Variants in CLASP1 observed in about 807,000 individuals in gnomAD.
The protein encoded by CLASP1 is CLIP-associating protein 1.
Under a neutral mutation model 192.3 loss-of-function variants are expected in CLASP1, and 38 were observed. The ratio of observed to expected loss-of-function variants is 0.20; its 90% CI spans 0.15 to 0.26. CLASP1 has a LOEUF of 0.26. CLASP1 is among the 10% of genes least tolerant of loss of function. The pLI, the probability that CLASP1 is intolerant of heterozygous loss-of-function variation, is 1.00. For missense variants in CLASP1, 1,433 were observed against 1,932.5 expected (o/e 0.74, Z 4.85); for synonymous variants, 691 against 712.8 (o/e 0.97, Z 0.49).
At chr2:121,421,187 A>G (rs1449581022) in intron 22 of CLASP1, among the ~76,000 whole-genome samples, 1 of 152,224 alleles carries the variant, frequency 6.6e-6, no homozygotes, top group Non-Finnish European at 1.5e-5. Flanking sequence ...CAAGAGAAAT[A>G]CAAACTCACT....
At chr2:121,447,388 T>G (rs1469112021) in exon 19 of CLASP1, 2 of 1,584,088 alleles carry the variant, frequency 1.3e-6, no homozygotes, top group East Asian at 2.3e-5. Context: ...CTGAAAGGCG[T>G]CGTGCCCGAA....
intron 8 of CLASP1, among the ~76,000 whole-genome samples, chr2:121,475,531 C>T (rs746608633): frequency 3.9e-5 from 6 of 152,172 alleles, no homozygotes; most frequent in Admixed American, 1.3e-4. Context: ...CAGGTTCTAA[C>T]GTTACAGTAT....
At chr2:121,578,131 C>T (rs2060719985) in intron 2 of CLASP1, among the ~76,000 whole-genome samples, 1 of 152,134 alleles carries the variant, frequency 6.6e-6, no homozygotes, top group South Asian at 2.1e-4. Context: ...TAGGGTTTCA[C>T]CATGTTGCTC....
At chr2:121,445,707 A>C (rs2084199277) in intron 19 of CLASP1, among the ~76,000 whole-genome samples, 1 of 152,222 alleles carries the variant, frequency 6.6e-6, no homozygotes, top group Admixed American at 6.5e-5. Flanking sequence ...TTCTTTGAAG[A>C]GGTTAATACT....
At chr2:121,435,907 T>A (rs1270256127) in intron 19 of CLASP1, among the ~76,000 whole-genome samples, 1 of 152,226 alleles carries the variant, frequency 6.6e-6, no homozygotes, top group Non-Finnish European at 1.5e-5. Context: ...AACACTGATA[T>A]GCTCCACCCT....
chr2:121,530,877 T>A, intron 2 of CLASP1: 2 of 690,024 alleles, frequency 2.9e-6, no homozygotes, highest in South Asian at 1.5e-5. Flanking sequence ...GACTTTCTAT[T>A]ATAACCATCC....
rs921700825 is a variant in CLASP1, at chr2:121,530,137, G to A, written c.274+110C>T. ...GGAGGAGCGGAAGGGAGGGAGAGGG[G>A]GCTGGAGGGGAGGCAGGGTGGCTGC... On this transcript the variant is annotated intron_variant, in intron 3 of 39. Transcript: ENST00000263710. 6 of 864,838 alleles carry A rather than the reference G, an allele frequency of 6.9e-6. No individual in the cohort carries two copies. The African/African-American group carries it at 8.4e-5, about 12-fold the overall frequency. 53.6% of individuals were successfully genotyped at this position (864,838 alleles called of 1,614,324 possible). A position where few individuals can be genotyped will look rare whatever the true frequency, so the allele number is the denominator to read the frequency against.
intron 2 of CLASP1, chr2:121,531,138 GTTTTTGCGGTGATTAAACGGGA>G: frequency 1.6e-6 from 1 of 612,510 alleles, no homozygotes; most frequent in Non-Finnish European, 3.0e-6. Context: ...AGTTCTTTCA[GTTTTTGCGGTGATTAAACGGGA>G]AGGATTTCAA....
chr2:121,519,512 C>T (rs943653382), intron 6 of CLASP1, among the ~76,000 whole-genome samples: 1 of 152,188 alleles, frequency 6.6e-6, no homozygotes, highest in Non-Finnish European at 1.5e-5. Context: ...AAATATAAGT[C>T]TCCCAAATAT....
intron 9 of CLASP1, among the ~76,000 whole-genome samples, chr2:121,464,018 CCA>C (rs913132212): frequency 5.3e-5 from 7 of 130,994 alleles, no homozygotes; most frequent in African/African-American, 1.2e-4. Context: ...ACAACAGTCC[CCA>C]GAGTGTGATG....
At chr2:121,504,122 C>T (rs575292152) in intron 7 of CLASP1, 1 of 152,204 alleles carries the variant, frequency 6.6e-6, no homozygotes, top group African/African-American at 2.4e-5. Context: ...ATCCCAGCTG[C>T]TAGGGAGGCT....
chr2:121,357,700 T>C (rs1023821903), intron 37 of CLASP1, among the ~76,000 whole-genome samples: 3 of 152,110 alleles, frequency 2.0e-5, no homozygotes, highest in Non-Finnish European at 4.4e-5. Context: ...CACTCAGAAA[T>C]AGACACTGTG....
chr2:121,492,193 T>C (rs2093340464), intron 8 of CLASP1, among the ~76,000 whole-genome samples: 1 of 151,160 alleles, frequency 6.6e-6, no homozygotes, highest in Non-Finnish European at 1.5e-5. Context: ...ATCGAAACCA[T>C]CCTGGATAAT....
intron 2 of CLASP1, among the ~76,000 whole-genome samples, chr2:121,588,264 C>T (rs1435722917): frequency 6.7e-6 from 1 of 149,678 alleles, no homozygotes; most frequent in Non-Finnish European, 1.5e-5. Flanking sequence ...TTAAATAAGA[C>T]AGGTTATGTG....
chr2:121,393,078 A>C (rs192918354), intron 30 of CLASP1, among the ~76,000 whole-genome samples: 10 of 152,362 alleles, frequency 6.6e-5, no homozygotes, highest in Non-Finnish European at 1.5e-4. Context: ...TCAGCTTGTT[A>C]TAAGTTTAAA....
At chr2:121,611,150 TGGA>T in intron 1 of CLASP1, among the ~76,000 whole-genome samples, 1 of 82,766 alleles carries the variant, frequency 1.2e-5, no homozygotes, top group Non-Finnish European at 2.5e-5. Context: ...GAAGAGGAAC[TGGA>T]GGAGGAGGAG....
At chr2:121,519,506 A>G (rs985592114) in intron 6 of CLASP1, among the ~76,000 whole-genome samples, 12 of 152,228 alleles carry the variant, frequency 7.9e-5, no homozygotes, top group African/African-American at 2.7e-4. Context: ...AGTTAAAAAT[A>G]TAAGTCTCCC....
intron 2 of CLASP1, among the ~76,000 whole-genome samples, chr2:121,568,417 T>C (rs543880821): frequency 4.8e-4 from 73 of 151,912 alleles, no homozygotes; most frequent in Non-Finnish European, 8.8e-4. Flanking sequence ...AACTCAGCCT[T>C]TGATTTCAAA....
chr2:121,344,277 A>G (rs543893810), intron 39 of CLASP1, among the ~76,000 whole-genome samples: 1 of 152,236 alleles, frequency 6.6e-6, no homozygotes, highest in Admixed American at 6.5e-5. Context: ...TCCCTTCATC[A>G]GACCTCTTCG....
Sources: gnomAD v4.1 joint callset for allele counts (sites outside exome capture counted in the v4.1 genomes callset) on GRCh38, gnomAD v4.1.1 for gene constraint, MANE v1.5 for transcripts, NCBI Gene and HGNC (gene_info 2026-07-23, HGNC 2026-07-21) for gene names.